The following ABLIM2 variants were observed in gnomAD, a reference collection of about 807,000 sequenced individuals.
The protein encoded by ABLIM2 is actin binding LIM protein family member 2.
ABLIM2 carries 53 observed loss-of-function variants against 97.7 expected under a neutral mutation model. The ratio of observed to expected loss-of-function variants is 0.54; its 90% CI spans 0.44 to 0.68. ABLIM2 has a LOEUF of 0.68. ABLIM2 is among the 30% of genes least tolerant of loss of function. The pLI, the probability that ABLIM2 is intolerant of heterozygous loss-of-function variation, is 0.00. For synonymous variants in ABLIM2, 361 were observed against 345.8 expected (o/e 1.04, Z -0.49); for missense variants, 835 against 867.2 (o/e 0.96, Z 0.47).
chr4:8,032,558 C>A lies in ABLIM2; in HGVS notation c.1048-2782G>T. 2 of 1,553,568 alleles carry A rather than the reference C, an allele frequency of 1.3e-6. No individual in the cohort carries two copies. The highest frequency in any genetic ancestry group is 2.3e-5 in the East Asian group (1 of 44,292). On this transcript the variant is annotated intron_variant, in intron 10 of 20. Coordinates refer to ENST00000447017, the MANE Select transcript of ABLIM2 (RefSeq NM_001130083.2). The surrounding 1 kb of genome is among the most constrained non-coding windows in gnomAD (Gnocchi z 4.3). ...CCATGGTGAAGAGCCACCGAGGAGG[C>A]CCTTCCCGGGAGTGCGGCTGGGTGG...
At position 8,023,682 on chromosome 4, in the gene ABLIM2, G is replaced by A. The variant is rs969536447; in HGVS notation, c.1268-3379C>T. Among the ~76,000 whole-genome samples the A allele has an allele frequency of 5.3e-5, 8 of 152,320 alleles. No individual in the cohort carries two copies. The highest frequency in any genetic ancestry group is 1.2e-4 in the African/African-American group (5 of 41,576). ...TCCACATGTCAGGAGTGGGAGTTAC[G>A]ACCCCCTCCTGGAGGACGAGGCATC... On this transcript the variant is annotated intron_variant, in intron 12 of 20. Transcript: ENST00000447017. This position sits in a 1 kb window ranked among gnomAD's most constrained non-coding sequence, Gnocchi z 5.7.
chr4:7,993,020 A>G (rs1467632358), intron 16 of ABLIM2, 93 bp from the exon 17 acceptor site: 33 of 1,347,576 alleles, frequency 2.4e-5, no homozygotes, highest in Non-Finnish European at 3.3e-5. Flanking sequence ...GGGGTGGGCA[A>G]GGCTGGGCAA....
At position 8,054,354 on chromosome 4, in the gene ABLIM2, G is replaced by A. The variant is rs533911998; in HGVS notation, c.764-108C>T. On this transcript the variant is annotated intron_variant, in intron 7 of 20. Coordinates refer to ENST00000447017, the MANE Select transcript of ABLIM2 (RefSeq NM_001130083.2). This position sits in a 1 kb window ranked among gnomAD's most constrained non-coding sequence, Gnocchi z 4.9. The stretch of plus-strand genomic sequence containing the variant: ...CTGGTCCATGCACAGACGTGCACTC[G>A]GACTCCACCCTCCAAGCGGCCCTGA... The A allele has an allele frequency of 8.5e-5, 100 of 1,181,242 alleles. 1 individual carries two copies. In the South Asian group the frequency reaches 9.7e-4, roughly 11 times the overall value. The allele number at this position is 1,181,242 out of a possible 1,614,324, so 73.2% of individuals were successfully genotyped here.
chr4:8,144,940 G>A (rs1407598917), intron 1 of ABLIM2, among the ~76,000 whole-genome samples: 2 of 152,208 alleles, frequency 1.3e-5, no homozygotes, highest in African/African-American at 2.4e-5. Flanking sequence ...GGGGAGACAC[G>A]CTCTGGGGAG....
chr4:8,045,389 G>A (rs1180230544), intron 8 of ABLIM2, 148 bp from the exon 9 acceptor site: 15 of 726,032 alleles, frequency 2.1e-5, no homozygotes, highest in African/African-American at 1.6e-4. Flanking sequence ...GGCGGCTCAC[G>A]CCTATAATCC....
intron 6 of ABLIM2, among the ~76,000 whole-genome samples, chr4:8,064,236 C>T (rs560246952): frequency 8.5e-5 from 13 of 152,290 alleles, no homozygotes; most frequent in African/African-American, 2.2e-4. Flanking sequence ...TTTGTGGCAC[C>T]GAGCATTTGT....
At chr4:8,089,124 C>T (rs1442240486) in intron 3 of ABLIM2, among the ~76,000 whole-genome samples, 3 of 152,158 alleles carry the variant, frequency 2.0e-5, no homozygotes, top group South Asian at 2.1e-4. Flanking sequence ...CCTTAAAGTC[C>T]GCCTCCGCAG....
intron 3 of ABLIM2, among the ~76,000 whole-genome samples, chr4:8,091,865 A>G (rs1366617514): frequency 2.7e-5 from 3 of 113,168 alleles, no homozygotes; most frequent in Non-Finnish European, 5.0e-5. Flanking sequence ...AATATATTAT[A>G]TATACAATAT....
chr4:8,061,734 G>T lies in ABLIM2; in HGVS notation c.676-680C>A, dbSNP rs1803237497. On this transcript the variant is annotated intron_variant, in intron 6 of 20. Coordinates refer to ENST00000447017, the MANE Select transcript of ABLIM2 (RefSeq NM_001130083.2). The surrounding 1 kb of genome is among the most constrained non-coding windows in gnomAD (Gnocchi z 4.5). ...ACTTCCTACCCTGAGGGCACGGCGG[G>T]TGCAGCCTATTGCTAAATGTGGATG... Among the ~76,000 whole-genome samples the T allele has an allele frequency of 1.3e-5, 2 of 151,950 alleles. No homozygotes were observed. Among genetic ancestry groups the T allele is most frequent in the South Asian group, 4.2e-4 (2 of 4,816 alleles).
At chr4:8,143,216 C>T (rs903570282) in intron 1 of ABLIM2, among the ~76,000 whole-genome samples, 1 of 150,166 alleles carries the variant, frequency 6.7e-6, no homozygotes, top group Non-Finnish European at 1.5e-5. Flanking sequence ...TCTATCACAG[C>T]GTCCCAGGCT....
chr4:7,969,730 G>GACACTGACACACACACACACACACACAC (rs1553873854), intron 20 of ABLIM2, among the ~76,000 whole-genome samples: 2 of 139,576 alleles, frequency 1.4e-5, no homozygotes, highest in African/African-American at 5.3e-5. Flanking sequence ...CTCTCTCTCT[G>GACACTGACACACACACACACACACACAC]ACACACACAC....
Position 8,148,849 on chromosome 4 carries a change from CT to C in ABLIM2, c.10+9830del, listed in dbSNP as rs1561639008. Among the ~76,000 whole-genome samples, 4 of 152,192 alleles carry C rather than the reference CT, an allele frequency of 2.6e-5. No homozygotes were observed. Among genetic ancestry groups the C allele is most frequent in the African/African-American group, 9.7e-5 (4 of 41,450 alleles). Reference sequence around the variant, plus strand: ...CCCCCACCTCTCCATGAGACCACCCCTATCTCCTCCCAGAGCTGCTGATGTA... The same window carrying C: ...CCCCCACCTCTCCATGAGACCACCCCATCTCCTCCCAGAGCTGCTGATGTA... On this transcript the variant is annotated intron_variant, in intron 1 of 20. Coordinates refer to ENST00000447017, the MANE Select transcript of ABLIM2 (RefSeq NM_001130083.2). This position sits in a 1 kb window ranked among gnomAD's most constrained non-coding sequence, Gnocchi z 6.7.
chr4:8,107,444 G>A (rs1177473297), intron 1 of ABLIM2, among the ~76,000 whole-genome samples: 1 of 152,280 alleles, frequency 6.6e-6, no homozygotes, highest in Non-Finnish European at 1.5e-5. Context: ...TGACCACCAG[G>A]TGGCCGAGCT....
In ABLIM2 at chr4:8,155,798, G is replaced by A. The variant is rs764676749; in HGVS notation, c.10+2882C>T. Among the ~76,000 whole-genome samples the A allele has an allele frequency of 2.0e-5, 3 of 150,842 alleles. No homozygotes were observed. The highest frequency in any genetic ancestry group is 1.9e-4 in the East Asian group (1 of 5,132). Reference sequence around the variant, plus strand: ...ACACAGACACACACAAAGGGAAGACGGGGCGAGGACACAGACACACACAAA... The same window carrying A: ...ACACAGACACACACAAAGGGAAGACAGGGCGAGGACACAGACACACACAAA... On this transcript the variant is annotated intron_variant, in intron 1 of 20. Coordinates refer to ENST00000447017, the MANE Select transcript of ABLIM2 (RefSeq NM_001130083.2). The surrounding 1 kb of genome is among the most constrained non-coding windows in gnomAD (Gnocchi z 4.2).
chr4:8,106,763 G>A (rs373104545), intron 1 of ABLIM2, 126 bp from the exon 2 acceptor site: 89 of 1,188,780 alleles, frequency 7.5e-5, no homozygotes, highest in Middle Eastern at 2.1e-4. Context: ...AGCACGAGCC[G>A]CACGGGGCAT....
intron 1 of ABLIM2, among the ~76,000 whole-genome samples, chr4:8,126,444 C>G (rs1218720008): frequency 2.7e-5 from 4 of 147,302 alleles, no homozygotes; most frequent in Middle Eastern, 6.9e-3. Context: ...CCTTCCCTCT[C>G]CCCTCATCTC....
intron 3 of ABLIM2, among the ~76,000 whole-genome samples, chr4:8,089,631 A>G (rs897001377): frequency 1.4e-5 from 2 of 145,780 alleles, no homozygotes; most frequent in Non-Finnish European, 3.0e-5. Context: ...GCTACTTGAG[A>G]GGGTGAGGCA....
chr4:8,061,121 C>A lies in ABLIM2; in HGVS notation c.676-67G>T. The A allele has an allele frequency of 7.3e-7, 1 of 1,372,112 alleles. No homozygotes were observed. Among genetic ancestry groups the A allele is most frequent in the Non-Finnish European group, 1.0e-6 (1 of 987,956 alleles). The allele number at this position is 1,372,112 out of a possible 1,614,324, so 85.0% of individuals were successfully genotyped here. A position where few individuals can be genotyped will look rare whatever the true frequency, so the allele number is the denominator to read the frequency against. ...GAAAGGTCGGCTGGGTCCCAGCGCC[C>A]GGCATGGATACAGCATGCCCTGAGC... On this transcript the variant is annotated intron_variant, in intron 6 of 20. Transcript: ENST00000447017. The surrounding 1 kb of genome is among the most constrained non-coding windows in gnomAD (Gnocchi z 4.5).
At chr4:8,042,159 C>T (rs139780586) in intron 9 of ABLIM2, among the ~76,000 whole-genome samples, 7 of 152,274 alleles carry the variant, frequency 4.6e-5, no homozygotes, top group East Asian at 1.9e-4. Context: ...TCTCTCTGAC[C>T]GCCTCCTGCC....
Sources: gnomAD v4.1 joint callset for allele counts (sites outside exome capture counted in the v4.1 genomes callset) on GRCh38, gnomAD v4.1.1 for gene constraint, Gnocchi (gnomAD v3.1) non-coding constraint, MANE v1.5 for transcripts, NCBI Gene and HGNC (gene_info 2026-07-23, HGNC 2026-07-21) for gene names.